Variants in ADCK1 observed in about 807,000 individuals in gnomAD.
The protein encoded by ADCK1 is aarF domain containing kinase 1, also known as aarF domain-containing protein kinase 1.
A neutral mutation model predicts 52.3 loss-of-function variants in ADCK1; 41 were observed. That is an observed-to-expected ratio of 0.78 (90% CI 0.61 to 1.02). The LOEUF is 1.02. ADCK1 is among the 50% of genes least tolerant of loss of function. The pLI is 0.00. For missense variants in ADCK1, 658 were observed against 679.5 expected, an observed-to-expected ratio of 0.97 and a Z score of 0.35; for synonymous variants, 250 against 274.6, an observed-to-expected ratio of 0.91 and a Z score of 0.89.
intron 2 of ADCK1, among the ~76,000 whole-genome samples, chr14:77,820,523 G>A (rs898829741): frequency 1.3e-5 from 2 of 151,434 alleles, no homozygotes; most frequent in Admixed American, 1.3e-4. Flanking sequence ...GTAGAGATAG[G>A]GTTTCGCTAT....
chr14:77,910,206 G>C (rs1377976424), intron 7 of ADCK1, among the ~76,000 whole-genome samples: 2 of 152,174 alleles, frequency 1.3e-5, no homozygotes, highest in Non-Finnish European at 2.9e-5. Context: ...TTGCCAATGC[G>C]TGAGCTGCCT....
intron 4 of ADCK1, among the ~76,000 whole-genome samples, chr14:77,869,524 G>A (rs77596825): frequency 0.13 from 20,043 of 152,072 alleles, 1,503 homozygotes; most frequent in South Asian, 0.22. Context: ...TAATATATCT[G>A]CAATGACCTC....
intron 7 of ADCK1, among the ~76,000 whole-genome samples, chr14:77,920,224 T>A (rs956329066): frequency 1.1e-4 from 17 of 152,266 alleles, no homozygotes; most frequent in African/African-American, 4.1e-4. Context: ...CTAGATTTTT[T>A]ATGGTTTCAG....
chr14:77,882,271 C>G (rs141632328), intron 4 of ADCK1, among the ~76,000 whole-genome samples: 3 of 151,558 alleles, frequency 2.0e-5, no homozygotes, highest in South Asian at 2.1e-4. Flanking sequence ...GGGGCCAGCT[C>G]GAGACTGCAG....
intron 3 of ADCK1, 147 bp from the exon 4 acceptor site, chr14:77,858,929 T>G (rs2082481584): frequency 6.4e-6 from 4 of 622,678 alleles, no homozygotes; most frequent in Non-Finnish European, 1.0e-5. Flanking sequence ...AGGGAAAAGG[T>G]GTGTGTGTGT....
intron 6 of ADCK1, among the ~76,000 whole-genome samples, chr14:77,905,677 G>A (rs73313153): frequency 0.016 from 2,426 of 152,044 alleles, 58 homozygotes; most frequent in African/African-American, 0.056. Context: ...GGCAGGGCAC[G>A]GTGGCTCACG....
At chr14:77,897,928 C>T (rs1025947392) in intron 5 of ADCK1, among the ~76,000 whole-genome samples, 3 of 152,082 alleles carry the variant, frequency 2.0e-5, no homozygotes, top group African/African-American at 2.4e-5. Flanking sequence ...AATTCTAGCT[C>T]GGTACTTCCT....
intron 5 of ADCK1, among the ~76,000 whole-genome samples, chr14:77,888,211 C>T (rs1392658493): frequency 6.6e-6 from 1 of 152,084 alleles, no homozygotes; most frequent in Non-Finnish European, 1.5e-5. Flanking sequence ...AGCGGAAGGA[C>T]AGCCCCGCGG....
intron 1 of ADCK1, among the ~76,000 whole-genome samples, chr14:77,805,832 C>T (rs930745532): frequency 5.9e-5 from 9 of 151,940 alleles, no homozygotes; most frequent in Non-Finnish European, 1.2e-4. Flanking sequence ...ATCTTAGGTT[C>T]TACAATAGTG....
At chr14:77,901,345 T>A (rs979998379) in intron 6 of ADCK1, among the ~76,000 whole-genome samples, 2 of 149,810 alleles carry the variant, frequency 1.3e-5, no homozygotes, top group Middle Eastern at 3.2e-3. Flanking sequence ...CCACTGCTCC[T>A]GGCCCTGGAG....
chr14:77,831,432 A>G (rs564531976), intron 3 of ADCK1, among the ~76,000 whole-genome samples: 1 of 152,134 alleles, frequency 6.6e-6, no homozygotes, highest in Non-Finnish European at 1.5e-5. Flanking sequence ...TAAATTTGCT[A>G]TAAGAACCAT....
At chr14:77,845,343 T>C (rs2082153437) in intron 3 of ADCK1, among the ~76,000 whole-genome samples, 3 of 152,210 alleles carry the variant, frequency 2.0e-5, no homozygotes, top group Admixed American at 2.0e-4. Context: ...AGAAAATACA[T>C]GTATAAAGGG....
intron 3 of ADCK1, among the ~76,000 whole-genome samples, chr14:77,855,625 G>A (rs1178488073): frequency 6.6e-6 from 1 of 152,170 alleles, no homozygotes; most frequent in Non-Finnish European, 1.5e-5. Flanking sequence ...TTAGCATCTA[G>A]AAAAGAGACC....
chr14:77,905,895 T>A (rs1256987923), intron 6 of ADCK1, among the ~76,000 whole-genome samples: 1 of 152,230 alleles, frequency 6.6e-6, no homozygotes, highest in Non-Finnish European at 1.5e-5. Flanking sequence ...CAAGCAAGTC[T>A]AAATTTTAAG....
At chr14:77,808,216 G>A (rs2081269839) in intron 1 of ADCK1, among the ~76,000 whole-genome samples, 1 of 152,194 alleles carries the variant, frequency 6.6e-6, no homozygotes, top group Admixed American at 6.5e-5. Context: ...AGAGTGTTAA[G>A]CCAGGCAGAT....
rs758122854 is a variant in ADCK1 at position 77,925,973 on chromosome 14, C to T, written c.1206+12C>T. On this transcript the variant is annotated intron_variant, in intron 9 of 10. Transcript: ENST00000238561. ...TCACTGCCACTGAGGTAGGGGGCCC[C>T]TCCAGGCCCTGCCTCTTCCTAAATG... The T allele has an allele frequency of 1.2e-6, 2 of 1,613,466 alleles. No homozygotes were observed. Among genetic ancestry groups the T allele is most frequent in the South Asian group, 1.1e-5 (1 of 91,058 alleles).
chr14:77,859,724 G>A (rs1274317055), intron 4 of ADCK1, among the ~76,000 whole-genome samples: 1 of 152,124 alleles, frequency 6.6e-6, no homozygotes, highest in Non-Finnish European at 1.5e-5. Context: ...ATTGATCTTG[G>A]CACCTCACTT....
In ADCK1 at chr14:77,826,492, T is replaced by C. The variant is rs1006212975; in HGVS notation, c.219+3974T>C. ...CAACGTGAAGTGTGTTCTAGAGGCA[T>C]AGTGGCCCTTTGCTAGGCAGCCAAG... On this transcript the variant is annotated intron_variant, in intron 3 of 10. Transcript: ENST00000238561. Among the ~76,000 whole-genome samples, 51 of 152,088 alleles carry C rather than the reference T, an allele frequency of 3.4e-4. 1 individual carries two copies. Among genetic ancestry groups the C allele is most frequent in the Admixed American group, 3.3e-3 (50 of 15,266 alleles).
intron 9 of ADCK1, among the ~76,000 whole-genome samples, chr14:77,926,211 GT>G (rs2084190235): frequency 6.6e-6 from 1 of 152,170 alleles, no homozygotes; most frequent in Non-Finnish European, 1.5e-5. Flanking sequence ...GAGGAAACAG[GT>G]GCACATTAAC....
Sources: gnomAD v4.1 joint callset for allele counts (sites outside exome capture counted in the v4.1 genomes callset) on GRCh38, gnomAD v4.1.1 for gene constraint, MANE v1.5 for transcripts, NCBI Gene and HGNC (gene_info 2026-07-23, HGNC 2026-07-21) for gene names.